SAMD13: variants seen among roughly 807,000 people sequenced by gnomAD.
SAMD13 encodes the protein sterile alpha motif domain containing 13.
Under a neutral mutation model 12.4 loss-of-function variants are expected in SAMD13, and 9 were observed. The ratio of observed to expected loss-of-function variants is 0.72; its 90% CI spans 0.44 to 1.26. The LOEUF is 1.26. Among genes scored for constraint, SAMD13 ranks in the 50% most tolerant of loss-of-function variants. The probability of loss-of-function intolerance (pLI) is 0.00; values close to 1 mark genes in which losing one functional copy is unlikely to be tolerated. For synonymous variants in SAMD13, 46 were observed against 45.4 expected (o/e 1.01, Z -0.05); for missense variants, 84 against 119.6 (o/e 0.70, Z 1.39).
intron 2 of SAMD13, among the ~76,000 whole-genome samples, chr1:84,306,878 G>A (rs1292321624): frequency 1.3e-5 from 2 of 150,676 alleles, no homozygotes; most frequent in Non-Finnish European, 3.0e-5. Context: ...AAAAAGTAAA[G>A]AAAAAGTGAA....
At chr1:84,311,167 C>G (rs1391485996) in intron 2 of SAMD13, among the ~76,000 whole-genome samples, 1 of 151,662 alleles carries the variant, frequency 6.6e-6, no homozygotes, top group East Asian at 1.9e-4. Flanking sequence ...GAAATCCCAT[C>G]TCTACTAAAA....
chr1:84,337,537 C>T (rs994427314), intron 3 of SAMD13, among the ~76,000 whole-genome samples: 1 of 152,154 alleles, frequency 6.6e-6, no homozygotes, highest in Non-Finnish European at 1.5e-5. Flanking sequence ...GGCACCAGTC[C>T]CTATGCTGCA....
chr1:84,342,495 G>C lies in SAMD13; in HGVS notation c.166-7136G>C, dbSNP rs1482339057. ...CAGTAACCAAAACAGCATGGTATTGGTATAAAAACAGACACCTAGACCAAT... is the reference window on the plus strand; with the variant it reads ...CAGTAACCAAAACAGCATGGTATTGCTATAAAAACAGACACCTAGACCAAT... On this transcript the variant is annotated intron_variant, in intron 3 of 3. Transcript: ENST00000394834. Among the ~76,000 whole-genome samples the C allele has an allele frequency of 5.1e-3, 773 of 151,340 alleles. 4 individuals carry two copies. The highest frequency in any genetic ancestry group is 9.0e-3 in the Non-Finnish European group (609 of 67,586).
chr1:84,328,541 G>A (rs967300272), intron 3 of SAMD13, among the ~76,000 whole-genome samples: 3 of 152,122 alleles, frequency 2.0e-5, no homozygotes, highest in East Asian at 3.9e-4. Context: ...AAGGACTGGA[G>A]GGCAGGGAGG....
chr1:84,306,644 CA>C (rs386367519), intron 2 of SAMD13, among the ~76,000 whole-genome samples: 13 of 64,004 alleles, frequency 2.0e-4, no homozygotes, highest in African/African-American at 7.3e-4. Context: ...CTAAAAATAC[CA>C]AAAAAAAAAA....
chr1:84,327,015 CTTT>C (rs777246492), intron 3 of SAMD13, among the ~76,000 whole-genome samples: 1 of 152,156 alleles, frequency 6.6e-6, no homozygotes, highest in Non-Finnish European at 1.5e-5. Flanking sequence ...AACTGGAACT[CTTT>C]TGTTGTTGGT....
intron 1 of SAMD13, 43 bp from the exon 2 acceptor site, chr1:84,303,160 C>T: frequency 2.1e-6 from 3 of 1,432,530 alleles, no homozygotes; most frequent in Non-Finnish European, 2.9e-6. Context: ...TCTTCTCTCA[C>T]TTTCTAAGAA....
chr1:84,308,741 G>A (rs1285424543), intron 2 of SAMD13, among the ~76,000 whole-genome samples: 6 of 152,134 alleles, frequency 3.9e-5, no homozygotes, highest in Middle Eastern at 3.4e-3. Flanking sequence ...AAAAGCATAC[G>A]GGATTTTTGT....
intron 3 of SAMD13, among the ~76,000 whole-genome samples, chr1:84,330,351 T>C (rs1278833371): frequency 2.0e-5 from 3 of 152,190 alleles, no homozygotes; most frequent in African/African-American, 7.2e-5. Context: ...GTTGAACTTT[T>C]GTGAATAGAT....
intron 2 of SAMD13, among the ~76,000 whole-genome samples, chr1:84,309,784 A>G (rs1383883253): frequency 6.6e-6 from 1 of 152,182 alleles, no homozygotes; most frequent in Non-Finnish European, 1.5e-5. Flanking sequence ...AAGAGGAAAT[A>G]TATATGGCCA....
upstream of SAMD13, chr1:84,299,665 A>G (rs1397181258): frequency 3.2e-6 from 3 of 930,980 alleles, no homozygotes; most frequent in African/African-American, 1.7e-5. Context: ...GTGTATATAT[A>G]TATATATATA....
chr1:84,348,031 C>T (rs1394160312), intron 3 of SAMD13, among the ~76,000 whole-genome samples: 2 of 152,084 alleles, frequency 1.3e-5, no homozygotes, highest in East Asian at 3.8e-4. Flanking sequence ...CACCATAGAC[C>T]AGGTAGAAGT....
At chr1:84,312,137 A>G (rs1162435759) in intron 2 of SAMD13, among the ~76,000 whole-genome samples, 1 of 36,084 alleles carries the variant, frequency 2.8e-5, no homozygotes, top group East Asian at 6.3e-4. Context: ...CCATATGTCC[A>G]TTGAAAAATT....
At chr1:84,311,599 CTT>C (rs909625136) in intron 2 of SAMD13, among the ~76,000 whole-genome samples, 69 of 152,164 alleles carry the variant, frequency 4.5e-4, no homozygotes, top group Admixed American at 1.8e-3. Context: ...ATCTGTAACA[CTT>C]TTCAAGAGTC....
At chr1:84,309,680 C>T (rs1678665210) in intron 2 of SAMD13, among the ~76,000 whole-genome samples, 1 of 152,044 alleles carries the variant, frequency 6.6e-6, no homozygotes, top group Non-Finnish European at 1.5e-5. Flanking sequence ...ATTTTATATT[C>T]AGAGTCTTCA....
intron 3 of SAMD13, among the ~76,000 whole-genome samples, chr1:84,332,888 C>A (rs929331995): frequency 1.3e-5 from 2 of 152,086 alleles, no homozygotes; most frequent in African/African-American, 4.8e-5. Flanking sequence ...TCTAAACTAT[C>A]TTGAATTGAT....
rs1329078867 is a variant in SAMD13 at position 84,344,727 on chromosome 1, CT to C, written c.166-4903del. On this transcript the variant is annotated intron_variant, in intron 3 of 3. Coordinates refer to ENST00000394834, the MANE Select transcript of SAMD13 (RefSeq NM_001134663.2). ...GGTGTGCCTCAAAATGCTTCCTCCCCTGATATTAAGAAGGCTTATCACCAGT... is the reference window on the plus strand; with the variant it reads ...GGTGTGCCTCAAAATGCTTCCTCCCCGATATTAAGAAGGCTTATCACCAGT... The C allele has an allele frequency of 8.3e-6, 3 of 363,562 alleles. No homozygotes were observed. The East Asian group carries it at 2.2e-4, about 26-fold the overall frequency. 22.5% of individuals were successfully genotyped at this position (363,562 alleles called of 1,614,324 possible). A position where few individuals can be genotyped will look rare whatever the true frequency, so the allele number is the denominator to read the frequency against.
At chr1:84,348,716 T>G (rs1390552062) in intron 3 of SAMD13, among the ~76,000 whole-genome samples, 1 of 152,142 alleles carries the variant, frequency 6.6e-6, no homozygotes, top group Non-Finnish European at 1.5e-5. Context: ...CCCCAAAGCT[T>G]TGTAGTCTCT....
At position 84,321,628 on chromosome 1, in the gene SAMD13, G is replaced by A. The variant is rs187902445; in HGVS notation, c.54-4009G>A. ...CATAGGTCATAAGAAAAGATGTGGC[G>A]AGAATGGACCATTTATAAGGAAATA... On this transcript the variant is annotated intron_variant, in intron 2 of 3. Transcript: ENST00000394834. 2.1e-3 allele frequency among the ~76,000 whole-genome samples: 320 copies of A among 152,240 alleles called. 1 individual carries two copies. The highest frequency in any genetic ancestry group is 7.4e-3 in the African/African-American group (307 of 41,526).
Sources: gnomAD v4.1 joint callset for allele counts (sites outside exome capture counted in the v4.1 genomes callset) on GRCh38, gnomAD v4.1.1 for gene constraint, MANE v1.5 for transcripts, NCBI Gene and HGNC (gene_info 2026-07-23, HGNC 2026-07-21) for gene names.